LUZP1: variants seen among roughly 807,000 people sequenced by gnomAD.
LUZP1 encodes the protein leucine zipper protein 1.
A neutral mutation model predicts 71.3 loss-of-function variants in LUZP1; 25 were observed. That is an observed-to-expected ratio of 0.35 (90% confidence interval 0.26 to 0.49). The LOEUF is 0.49. LUZP1 is among the 20% of genes least tolerant of loss of function. The probability of loss-of-function intolerance (pLI) is 0.99; values close to 1 mark genes in which losing one functional copy is unlikely to be tolerated. For synonymous variants in LUZP1, 481 were observed against 506.4 expected (o/e 0.95, Z 0.67); for missense variants, 1,142 against 1,300.8 (o/e 0.88, Z 1.88).
At chr1:23,137,176 AT>A (rs967710398) in intron 2 of LUZP1, among the ~76,000 whole-genome samples, 1 of 152,240 alleles carries the variant, frequency 6.6e-6, no homozygotes, top group African/African-American at 2.4e-5. Context: ...AGAGACGAGT[AT>A]CCAGAATATA....
intron 2 of LUZP1, among the ~76,000 whole-genome samples, chr1:23,118,249 T>A (rs1330542467): frequency 6.6e-6 from 1 of 151,020 alleles, no homozygotes; most frequent in East Asian, 1.9e-4. Context: ...ACACAAAAAT[T>A]AGCTAGGCAT....
chr1:23,131,219 CAAAAAAAAAA>C (rs71020480), intron 2 of LUZP1, among the ~76,000 whole-genome samples: 23 of 45,040 alleles, frequency 5.1e-4, no homozygotes, highest in African/African-American at 2.2e-3. Context: ...GACTCCATCT[CAAAAAAAAAA>C]AAAAAAAAAA....
chr1:23,091,868 T>G (rs1195731667), exon 4 of LUZP1: 1 of 1,614,062 alleles, frequency 6.2e-7, no homozygotes, highest in Admixed American at 1.7e-5. Context: ...CAGATGGATA[T>G]ATAGTAATGC....
At chr1:23,146,188 T>C (rs1484928980) in intron 2 of LUZP1, among the ~76,000 whole-genome samples, 1 of 152,000 alleles carries the variant, frequency 6.6e-6, no homozygotes, top group Non-Finnish European at 1.5e-5. Context: ...ATGCTAATTT[T>C]TGTATTTTTA....
chr1:23,175,252 T>C (rs1644575848), intron 1 of LUZP1, among the ~76,000 whole-genome samples: 1 of 152,140 alleles, frequency 6.6e-6, no homozygotes, highest in Admixed American at 6.5e-5. Flanking sequence ...AGCTATGCAC[T>C]CAGGCAGCCA....
At chr1:23,103,224 C>T (rs563388002) in intron 3 of LUZP1, among the ~76,000 whole-genome samples, 31 of 151,982 alleles carry the variant, frequency 2.0e-4, no homozygotes, top group East Asian at 1.9e-4. Flanking sequence ...GGATTACAGA[C>T]GCGAGCCACC....
chr1:23,116,044 T>C (rs1004865431), intron 2 of LUZP1, among the ~76,000 whole-genome samples: 4 of 151,700 alleles, frequency 2.6e-5, no homozygotes, highest in African/African-American at 7.3e-5. Flanking sequence ...AGCCCAGGAG[T>C]TTGAGACCAG....
intron 2 of LUZP1, among the ~76,000 whole-genome samples, chr1:23,149,818 T>C (rs1644370161): frequency 1.3e-5 from 2 of 151,740 alleles, no homozygotes; most frequent in African/African-American, 4.8e-5. Flanking sequence ...AAAAATTAGC[T>C]GGGTGTGGTG....
intron 2 of LUZP1, chr1:23,140,961 G>A (rs1034436050): frequency 6.6e-6 from 1 of 152,354 alleles, no homozygotes; most frequent in Non-Finnish European, 1.5e-5. Context: ...CTCACAGGCT[G>A]GCTCCTTAGC....
At chr1:23,143,023 T>G (rs1644317255) in intron 2 of LUZP1, among the ~76,000 whole-genome samples, 1 of 151,848 alleles carries the variant, frequency 6.6e-6, no homozygotes, top group Admixed American at 6.6e-5. Flanking sequence ...TTCTTTTTTG[T>G]TTTTTGATAG....
intron 3 of LUZP1, among the ~76,000 whole-genome samples, chr1:23,097,746 G>GCAAGAAGACAGCTTGAGC (rs1643900632): frequency 6.6e-6 from 1 of 152,206 alleles, no homozygotes; most frequent in Non-Finnish European, 1.5e-5. Flanking sequence ...GTAGGCTGAG[G>GCAAGAAGACAGCTTGAGC]CAAGAAGACA....
chr1:23,168,775 C>G (rs1371149410), exon 2 of LUZP1: 1 of 153,148 alleles, frequency 6.5e-6, no homozygotes, highest in South Asian at 1.8e-4. Context: ...CCTCTGCGGC[C>G]CCGAACCGCG....
chr1:23,087,161 T>C (rs1350521464), exon 5 of LUZP1: 2 of 152,242 alleles, frequency 1.3e-5, no homozygotes, highest in African/African-American at 4.8e-5. Flanking sequence ...GCAAGGCTGA[T>C]GCCACAAAGA....
intron 3 of LUZP1, among the ~76,000 whole-genome samples, chr1:23,106,950 T>A (rs1643987269): frequency 6.6e-6 from 1 of 152,196 alleles, no homozygotes; most frequent in Non-Finnish European, 1.5e-5. Flanking sequence ...ACTCCAAAGG[T>A]GTCACATGGC....
Position 23,110,628 on chromosome 1 carries a change from G to GCACA in LUZP1, c.-225-1505_-225-1502dup, listed in dbSNP as rs1433726525. The stretch of plus-strand genomic sequence containing the variant: ...TGCACCTGCGCGCATGCATGAACGC[G>GCACA]CACACATACACACACACACACACAC... On this transcript the variant is annotated intron_variant, in intron 2 of 4. Transcript: ENST00000302291. Among the ~76,000 whole-genome samples the GCACA allele has an allele frequency of 3.7e-3, 182 of 49,022 alleles. 4 individuals are homozygous for GCACA. The highest frequency in any genetic ancestry group is 0.025 in the South Asian group (54 of 2,130). The allele number at this position is 49,022 out of a possible 152,430, so 32.2% of individuals were successfully genotyped here. A position where few individuals can be genotyped will look rare whatever the true frequency, so the allele number is the denominator to read the frequency against.
intron 2 of LUZP1, among the ~76,000 whole-genome samples, chr1:23,163,017 G>A (rs568847782): frequency 6.6e-6 from 1 of 152,032 alleles, no homozygotes; most frequent in Non-Finnish European, 1.5e-5. Context: ...CGAGGCAGGC[G>A]GATCACGAGG....
Position 23,093,823 on chromosome 1 carries a change from G to A in LUZP1, c.439C>T (p.Leu147=). Residue 147 remains leucine, a synonymous_variant, in exon 4 of 5, where the codon CTG becomes TTG. Transcript: ENST00000302291. This position sits in a 1 kb window ranked among gnomAD's most constrained non-coding sequence, Gnocchi z 4.2. ...AGCTCAGAGGAGATTTTCTTGGTCA[G>A]ATTTCTCTCCTCATTCAGGCTCAGA... The A allele has an allele frequency of 6.2e-7, 1 of 1,613,962 alleles. No homozygotes were observed. The highest frequency in any genetic ancestry group is 8.5e-7 in the Non-Finnish European group (1 of 1,179,994).
intron 2 of LUZP1, among the ~76,000 whole-genome samples, chr1:23,153,030 C>G (rs1644395999): frequency 6.6e-6 from 1 of 152,112 alleles, no homozygotes; most frequent in Non-Finnish European, 1.5e-5. Flanking sequence ...TTCAGATAAT[C>G]TATACAACAC....
intron 4 of LUZP1, chr1:23,090,559 C>T (rs1050213796): frequency 8.8e-6 from 3 of 341,218 alleles, no homozygotes; most frequent in Non-Finnish European, 1.6e-5. Flanking sequence ...TTTATCAAAG[C>T]TGTAATGAGC....
Sources: gnomAD v4.1 joint callset for allele counts (sites outside exome capture counted in the v4.1 genomes callset) on GRCh38, gnomAD v4.1.1 for gene constraint, Gnocchi (gnomAD v3.1) non-coding constraint, MANE v1.5 for transcripts, NCBI Gene and HGNC (gene_info 2026-07-23, HGNC 2026-07-21) for gene names.